RBMS1: variants seen among roughly 807,000 people sequenced by gnomAD.
RBMS1 encodes RNA binding motif single stranded interacting protein 1, also known as RNA-binding motif, single-stranded-interacting protein 1.
A neutral mutation model predicts 62.3 loss-of-function variants in RBMS1; 17 were observed. That is an observed-to-expected ratio of 0.27 (90% CI 0.19 to 0.41). The LOEUF is 0.41. Ranked by LOEUF, RBMS1 falls within the 10% of genes least tolerant of loss-of-function variation. The pLI is 1.00. For missense variants in RBMS1, 334 were observed against 504.5 expected, an observed-to-expected ratio of 0.66 and a Z score of 3.24; for synonymous variants, 172 against 170.0, an observed-to-expected ratio of 1.01 and a Z score of -0.09.
intron 6 of RBMS1, among the ~76,000 whole-genome samples, chr2:160,288,761 T>G (rs2105938756): frequency 6.6e-6 from 1 of 152,294 alleles, no homozygotes; most frequent in East Asian, 1.9e-4. Context: ...TAGTGGGTCT[T>G]CTCTAAAACG....
intron 7 of RBMS1, among the ~76,000 whole-genome samples, chr2:160,285,283 G>T (rs1688321119): frequency 6.6e-6 from 1 of 151,742 alleles, no homozygotes; most frequent in Non-Finnish European, 1.5e-5. Context: ...GGAGGGAGGG[G>T]AATTTGTACT....
At chr2:160,290,264 G>A (rs972401710) in intron 6 of RBMS1, among the ~76,000 whole-genome samples, 2 of 150,882 alleles carry the variant, frequency 1.3e-5, no homozygotes, top group Non-Finnish European at 2.9e-5. Flanking sequence ...TTTTTACAAG[G>A]GAGAGATACC....
chr2:160,372,181 T>C (rs1265022104), intron 1 of RBMS1, among the ~76,000 whole-genome samples: 1 of 152,154 alleles, frequency 6.6e-6, no homozygotes, highest in African/African-American at 2.4e-5. Flanking sequence ...TGTCCTCCTC[T>C]TCCCACCCCC....
At chr2:160,485,230 A>G (rs1397283085) in intron 1 of RBMS1, among the ~76,000 whole-genome samples, 1 of 152,216 alleles carries the variant, frequency 6.6e-6, no homozygotes, top group Non-Finnish European at 1.5e-5. Context: ...AGGAAGCTCC[A>G]GCACAAACTC....
intron 1 of RBMS1, among the ~76,000 whole-genome samples, chr2:160,412,395 A>G (rs1444930457): frequency 6.6e-6 from 1 of 152,230 alleles, no homozygotes; most frequent in Non-Finnish European, 1.5e-5. Context: ...CAGATGAAAG[A>G]AAAAAAGTTA....
At chr2:160,408,479 G>A (rs1367596140) in intron 1 of RBMS1, 1 of 152,138 alleles carries the variant, frequency 6.6e-6, no homozygotes, top group African/African-American at 2.4e-5. Context: ...GATCGGTAAA[G>A]TTTTGTTTTA....
chr2:160,456,726 C>T (rs2105326715), intron 1 of RBMS1, among the ~76,000 whole-genome samples: 1 of 152,350 alleles, frequency 6.6e-6, no homozygotes, highest in Non-Finnish European at 1.5e-5. Context: ...TTTTGACTGT[C>T]TGTTCCCTCA....
At chr2:160,463,066 A>AT (rs1684535491) in intron 1 of RBMS1, among the ~76,000 whole-genome samples, 2 of 151,838 alleles carry the variant, frequency 1.3e-5, no homozygotes, top group Non-Finnish European at 2.9e-5. Flanking sequence ...TGAGAAGAAA[A>AT]TGGAACCCGC....
intron 4 of RBMS1, among the ~76,000 whole-genome samples, chr2:160,304,356 TA>T (rs1241626016): frequency 6.6e-6 from 1 of 151,828 alleles, no homozygotes; most frequent in Non-Finnish European, 1.5e-5. Context: ...GTTTTATCTT[TA>T]AAAAAAAGTC....
In RBMS1 at chr2:160,291,115, G is replaced by A. The variant is rs1688658652; in HGVS notation, c.641-4031C>T. On this transcript the variant is annotated intron_variant, in intron 6 of 13. Coordinates refer to ENST00000348849, the MANE Select transcript of RBMS1 (RefSeq NM_016836.4). ...GCAAGTCCTCCTCACTTATCAAACA[G>A]CTTGGAAGGACTTGGAGCTCTCTAG... Among the ~76,000 whole-genome samples, 2 of 152,174 alleles carry A rather than the reference G, an allele frequency of 1.3e-5. 1 individual carries two copies. Among genetic ancestry groups the A allele is most frequent in the Admixed American group, 1.3e-4 (2 of 15,280 alleles).
At chr2:160,386,463 G>T (rs1289990704) in intron 1 of RBMS1, among the ~76,000 whole-genome samples, 1 of 152,016 alleles carries the variant, frequency 6.6e-6, no homozygotes, top group African/African-American at 2.4e-5. Flanking sequence ...TTGAACCCAG[G>T]AGGCGGAGGT....
intron 1 of RBMS1, among the ~76,000 whole-genome samples, chr2:160,444,140 G>A (rs1310579440): frequency 6.6e-6 from 1 of 151,980 alleles, no homozygotes; most frequent in East Asian, 1.9e-4. Context: ...TAGAAAACCA[G>A]TGTGTGTGTG....
chr2:160,415,633 C>T (rs1696182518), intron 1 of RBMS1, among the ~76,000 whole-genome samples: 1 of 152,170 alleles, frequency 6.6e-6, no homozygotes, highest in Non-Finnish European at 1.5e-5. Flanking sequence ...ACAAAACCCT[C>T]ATGTAAGCTA....
intron 1 of RBMS1, among the ~76,000 whole-genome samples, chr2:160,369,377 T>C (rs1693599426): frequency 6.6e-6 from 1 of 152,230 alleles, no homozygotes; most frequent in African/African-American, 2.4e-5. Flanking sequence ...CTGTGCTCCT[T>C]CTCTGAAGCC....
chr2:160,413,267 C>CA (rs1454456348), intron 1 of RBMS1, among the ~76,000 whole-genome samples: 5 of 150,942 alleles, frequency 3.3e-5, no homozygotes, highest in Non-Finnish European at 5.9e-5. Context: ...CAGTTCACAC[C>CA]AAAAAAAACC....
intron 1 of RBMS1, among the ~76,000 whole-genome samples, chr2:160,447,569 T>C (rs2105312157): frequency 6.6e-6 from 1 of 152,362 alleles, no homozygotes; most frequent in East Asian, 1.9e-4. Context: ...AAATTCTGCA[T>C]ATTTACTTGT....
chr2:160,305,307 TA>T lies in RBMS1; in HGVS notation c.403-1821del, dbSNP rs1689441399. The stretch of plus-strand genomic sequence containing the variant: ...CCAGTCCTCTAAGCTCCAGTCATGG[TA>T]AGTGCCCTATAAGGGTGCACCATTT... On this transcript the variant is annotated intron_variant, in intron 4 of 13. Coordinates refer to ENST00000348849, the MANE Select transcript of RBMS1 (RefSeq NM_016836.4). 2.0e-5 allele frequency among the ~76,000 whole-genome samples: 3 copies of T among 152,248 alleles called. 1 individual carries two copies. The South Asian group carries it at 6.2e-4, about 31-fold the overall frequency.
intron 2 of RBMS1, among the ~76,000 whole-genome samples, chr2:160,333,508 CCTT>C (rs1353493774): frequency 6.6e-6 from 1 of 152,106 alleles, no homozygotes; most frequent in African/African-American, 2.4e-5. Context: ...ATAATGACCT[CCTT>C]AACACCCAAG....
chr2:160,275,358 G>A (rs1009019513), intron 13 of RBMS1: 3 of 320,456 alleles, frequency 9.4e-6, no homozygotes, highest in Non-Finnish European at 1.5e-5. Context: ...GGTTCTTGGT[G>A]TTCTCTGATG....
Sources: allele counts gnomAD v4.1 joint callset (sites outside exome capture counted in the v4.1 genomes callset), GRCh38; gene constraint gnomAD v4.1.1; transcripts MANE v1.5; gene names NCBI Gene and HGNC (gene_info 2026-07-23, HGNC 2026-07-21).